GNPTAB: variants seen among roughly 807,000 people sequenced by gnomAD.
The protein encoded by GNPTAB is N-acetylglucosamine-1-phosphate transferase subunits alpha and beta, also known as N-acetylglucosamine-1-phosphotransferase subunits alpha/beta.
Under a neutral mutation model 136.6 loss-of-function variants are expected in GNPTAB, and 92 were observed. That is an observed-to-expected ratio of 0.67 (90% CI 0.57 to 0.80). GNPTAB has a LOEUF of 0.80. GNPTAB is among the 30% of genes least tolerant of loss of function. The probability of loss-of-function intolerance (pLI) is 0.00; values close to 1 mark genes in which losing one functional copy is unlikely to be tolerated. For missense variants in GNPTAB, 1,343 were observed against 1,501.8 expected (o/e 0.89, Z 1.75); for synonymous variants, 512 against 535.1 (o/e 0.96, Z 0.60).
rs781633355 is a variant in GNPTAB, at chr12:101,764,660, T to A, written c.2257A>T (p.Ile753Leu). 1.1e-5 allele frequency: 17 copies of A among 1,612,868 alleles called. No homozygotes were observed. The highest frequency in any genetic ancestry group is 1.6e-4 in the Middle Eastern group (1 of 6,072). Residue 753 changes from isoleucine to leucine, a missense_variant, in exon 13 of 21, where the codon ATA becomes TTA. Coordinates refer to ENST00000299314, the MANE Select transcript of GNPTAB (RefSeq NM_024312.5). ...SQHAKIKNQA[I>L]ITDETNDSLV... ...CTGTCATTTGTTTCATCTGTTATTA[T>A]AGCTTGATTTTTTATTTTAGCATGC...
At chr12:101,749,343 T>C in intron 19 of GNPTAB, 152 bp from the exon 20 acceptor site, 1 of 648,354 alleles carries the variant, frequency 1.5e-6, no homozygotes, top group Non-Finnish European at 2.8e-6. Context: ...AATATACATT[T>C]CCAACACGAG....
chr12:101,823,427 T>C (rs1011454066), intron 1 of GNPTAB, among the ~76,000 whole-genome samples: 2 of 152,068 alleles, frequency 1.3e-5, no homozygotes, highest in Non-Finnish European at 2.9e-5. Flanking sequence ...CTGGCTAACA[T>C]GGTGTAACCC....
chr12:101,786,447 G>T (rs1278500813), intron 4 of GNPTAB, among the ~76,000 whole-genome samples: 1 of 152,134 alleles, frequency 6.6e-6, no homozygotes, highest in Non-Finnish European at 1.5e-5. Context: ...CCATTAATAA[G>T]ATCCCCACCA....
At chr12:101,806,772 GAATC>G (rs1284967202) in intron 1 of GNPTAB, among the ~76,000 whole-genome samples, 1 of 151,866 alleles carries the variant, frequency 6.6e-6, no homozygotes, top group East Asian at 1.9e-4. Flanking sequence ...AAAAAAATTT[GAATC>G]AATAATTAAT....
rs35036983 is a variant in GNPTAB, at chr12:101,801,231, C to CAAAAAAAA, written c.118-4477_118-4470dup. ...TAGGTGACAGAACGAGACCCTGTCT[C>CAAAAAAAA]AAAAAAAAAAAAAAAAAAAAAAAAA... On this transcript the variant is annotated intron_variant, in intron 1 of 20. Coordinates refer to ENST00000299314, the MANE Select transcript of GNPTAB (RefSeq NM_024312.5). Among the ~76,000 whole-genome samples the CAAAAAAAA allele has an allele frequency of 1.6e-4, 2 of 12,754 alleles. 1 individual carries two copies. The highest frequency in any genetic ancestry group is 6.4e-4 in the African/African-American group (2 of 3,134). The allele number at this position is 12,754 out of a possible 152,430, so 8.4% of individuals were successfully genotyped here. A position where few individuals can be genotyped will look rare whatever the true frequency, so the allele number is the denominator to read the frequency against.
rs1868634929 is a variant in GNPTAB, at chr12:101,786,174, G to A, written c.409C>T (p.Pro137Ser). Residue 137 changes from proline (P) to serine (S), a missense_variant, in exon 5 of 21, where the codon CCA becomes TCA. Transcript: ENST00000299314. ...ECLLTHCIKV[P>S]MLVLDPALPA... Reference sequence around the variant, plus strand: ...AGGGCTGGGTCCAGGACAAGCATTGGCACCTTAATGCAGTGTGTTAGCAAA... The same window carrying A: ...AGGGCTGGGTCCAGGACAAGCATTGACACCTTAATGCAGTGTGTTAGCAAA... 1 of 1,613,706 alleles carries A rather than the reference G, an allele frequency of 6.2e-7. No homozygotes were observed. Among genetic ancestry groups the A allele is most frequent in the Admixed American group, 1.7e-5 (1 of 59,968 alleles).
At chr12:101,756,562 A>C (rs1036410138) in intron 18 of GNPTAB, 1 of 300,346 alleles carries the variant, frequency 3.3e-6, no homozygotes, top group Non-Finnish European at 6.7e-6. Flanking sequence ...CAACAGAGTG[A>C]GATCCTGTCT....
At chr12:101,761,817 C>T in intron 13 of GNPTAB, 54 bp from the exon 14 acceptor site, 1 of 1,286,588 alleles carries the variant, frequency 7.8e-7, no homozygotes, top group Non-Finnish European at 1.1e-6. Flanking sequence ...CACAAGTGTA[C>T]TTTGTTACAA....
chr12:101,796,795 A>T (rs2137158939), intron 1 of GNPTAB, 33 bp from the exon 2 acceptor site: 1 of 1,316,200 alleles, frequency 7.6e-7, no homozygotes, highest in East Asian at 2.3e-5. Flanking sequence ...TTTTCTTCGC[A>T]TCAAAGACTA....
At chr12:101,828,514 C>T (rs1871217795) in intron 1 of GNPTAB, among the ~76,000 whole-genome samples, 1 of 152,084 alleles carries the variant, frequency 6.6e-6, no homozygotes. Context: ...AAAAAATTAG[C>T]CAGGTGTGGT....
At chr12:101,768,789 T>C (rs1279141586) in intron 10 of GNPTAB, among the ~76,000 whole-genome samples, 5 of 152,256 alleles carry the variant, frequency 3.3e-5, no homozygotes, top group Non-Finnish European at 7.3e-5. Flanking sequence ...AATTGGAATG[T>C]CTTTTTTAAC....
intron 1 of GNPTAB, among the ~76,000 whole-genome samples, chr12:101,819,611 T>C (rs759100971): frequency 1.1e-4 from 17 of 152,212 alleles, no homozygotes; most frequent in Non-Finnish European, 1.9e-4. Flanking sequence ...AGTCTGATCA[T>C]AGAATGAGTT....
At chr12:101,794,675 T>C (rs1409143947) in intron 2 of GNPTAB, among the ~76,000 whole-genome samples, 1 of 152,226 alleles carries the variant, frequency 6.6e-6, no homozygotes, top group African/African-American at 2.4e-5. Context: ...TATATTTTAA[T>C]GCAACCTTCT....
At chr12:101,823,334 G>A (rs1870912375) in intron 1 of GNPTAB, among the ~76,000 whole-genome samples, 1 of 152,184 alleles carries the variant, frequency 6.6e-6, no homozygotes, top group African/African-American at 2.4e-5. Flanking sequence ...TTAAGGCCAG[G>A]CGCAGTGGCT....
intron 7 of GNPTAB, among the ~76,000 whole-genome samples, chr12:101,772,910 G>A (rs1012847825): frequency 1.3e-5 from 2 of 152,026 alleles, no homozygotes; most frequent in Admixed American, 6.6e-5. Context: ...TCCATCTCCC[G>A]GGTTCAAGTG....
intron 1 of GNPTAB, among the ~76,000 whole-genome samples, chr12:101,806,340 T>A (rs759595578): frequency 1.3e-5 from 2 of 152,162 alleles, no homozygotes; most frequent in African/African-American, 4.8e-5. Flanking sequence ...GATTCCATTA[T>A]ATAAAATATC....
chr12:101,799,868 G>C (rs944490252), intron 1 of GNPTAB, among the ~76,000 whole-genome samples: 4 of 151,278 alleles, frequency 2.6e-5, no homozygotes, highest in Non-Finnish European at 5.9e-5. Context: ...TGGGGTGGGG[G>C]TGGGAGGGAA....
At chr12:101,820,397 T>C (rs987787410) in intron 1 of GNPTAB, among the ~76,000 whole-genome samples, 1 of 152,198 alleles carries the variant, frequency 6.6e-6, no homozygotes, top group African/African-American at 2.4e-5. Flanking sequence ...TCTCTTCCTA[T>C]GTCCTTCCAC....
At chr12:101,825,473 T>C (rs1272966625) in intron 1 of GNPTAB, among the ~76,000 whole-genome samples, 2 of 152,222 alleles carry the variant, frequency 1.3e-5, no homozygotes, top group Admixed American at 6.5e-5. Context: ...TCAGTTAAGA[T>C]CAACCCAATT....
Sources: gnomAD v4.1 joint callset for allele counts (sites outside exome capture counted in the v4.1 genomes callset) on GRCh38, gnomAD v4.1.1 for gene constraint, MANE v1.5 for transcripts, NCBI Gene and HGNC (gene_info 2026-07-23, HGNC 2026-07-21) for gene names.